Variants in KAZN observed in about 807,000 individuals in gnomAD.
KAZN encodes the protein kazrin.
In KAZN, 40 loss-of-function variants were observed where a neutral mutation model predicts 87.4. The observed-to-expected ratio is 0.46, with a 90% CI of 0.36 to 0.60. KAZN has a LOEUF of 0.60. Ranked by LOEUF, KAZN falls within the 20% of genes least tolerant of loss-of-function variation. The pLI, the probability that KAZN is intolerant of heterozygous loss-of-function variation, is 0.00. For missense variants in KAZN, 898 were observed against 1,073.9 expected (o/e 0.84, Z 2.29); for synonymous variants, 466 against 458.3 (o/e 1.02, Z -0.22).
intron 2 of KAZN, among the ~76,000 whole-genome samples, chr1:14,373,280 C>T (rs1477055407): frequency 1.3e-5 from 2 of 151,736 alleles, no homozygotes; most frequent in South Asian, 2.1e-4. Context: ...ACTGAGAAAT[C>T]CCACAATCTG....
At chr1:15,019,865 T>A (rs1364046481) in intron 2 of KAZN, among the ~76,000 whole-genome samples, 1 of 152,160 alleles carries the variant, frequency 6.6e-6, no homozygotes, top group Non-Finnish European at 1.5e-5. Flanking sequence ...ATCATTGCTG[T>A]TGTCATTATT....
In KAZN at chr1:14,033,487, G is replaced by A. The variant is rs749172707; in HGVS notation, c.91+139731G>A. 5.7e-4 allele frequency among the ~76,000 whole-genome samples: 87 copies of A among 152,320 alleles called. 1 individual carries two copies. Among genetic ancestry groups the A allele is most frequent in the Middle Eastern group, 3.4e-3 (1 of 294 alleles). On this transcript the variant is annotated intron_variant, in intron 1 of 16. Coordinates refer to the KAZN transcript ENST00000636203. ...CACTTATTGAATCTCAGACATTGCC[G>A]TCTCCTGGCTGCGCAAGTGCCAAGC...
upstream of KAZN, among the ~76,000 whole-genome samples, chr1:14,595,787 A>G (rs572468605): frequency 1.7e-4 from 26 of 152,108 alleles, no homozygotes; most frequent in South Asian, 4.6e-3. Context: ...CAGACTTTCT[A>G]TCTAAGATCT....
intron 2 of KAZN, among the ~76,000 whole-genome samples, chr1:14,290,550 C>T (rs1369293159): frequency 5.9e-5 from 9 of 152,190 alleles, no homozygotes; most frequent in African/African-American, 1.7e-4. Context: ...GTCTTCTCTA[C>T]ACTGTTTGTT....
chr1:15,091,099 C>A (rs1387272812), intron 8 of KAZN, among the ~76,000 whole-genome samples: 2 of 152,108 alleles, frequency 1.3e-5, no homozygotes, highest in Non-Finnish European at 2.9e-5. Flanking sequence ...TATGCACAGT[C>A]ACAAATACTC....
At chr1:14,944,397 T>G (rs1279596736) in intron 1 of KAZN, among the ~76,000 whole-genome samples, 1 of 152,160 alleles carries the variant, frequency 6.6e-6, no homozygotes, top group East Asian at 1.9e-4. Context: ...GACACAGCTG[T>G]GGGGGCCCCC....
At chr1:13,992,825 G>A (rs1311166527) in intron 1 of KAZN, among the ~76,000 whole-genome samples, 2 of 152,150 alleles carry the variant, frequency 1.3e-5, no homozygotes, top group Admixed American at 1.3e-4. Flanking sequence ...CATCTCCCCT[G>A]TGCTTTTTTA....
chr1:14,360,397 G>A (rs1442170694), intron 2 of KAZN, among the ~76,000 whole-genome samples: 4 of 152,068 alleles, frequency 2.6e-5, no homozygotes, highest in Non-Finnish European at 5.9e-5. Context: ...TGCTTCTTTA[G>A]CTTGGAGGAG....
At chr1:14,810,109 CATTA>C (rs916678531) in intron 1 of KAZN, among the ~76,000 whole-genome samples, 2 of 152,122 alleles carry the variant, frequency 1.3e-5, no homozygotes, top group African/African-American at 2.4e-5. Context: ...TGTCCCTAGA[CATTA>C]ATTATCAATG....
chr1:14,930,970 G>A (rs191551243), intron 1 of KAZN, among the ~76,000 whole-genome samples: 38 of 152,218 alleles, frequency 2.5e-4, no homozygotes, highest in Non-Finnish European at 2.5e-4. Flanking sequence ...AGACTCCCCC[G>A]CCACAACCAT....
At chr1:14,621,575 G>T (rs562215084) in intron 1 of KAZN, among the ~76,000 whole-genome samples, 31 of 152,280 alleles carry the variant, frequency 2.0e-4, no homozygotes, top group Admixed American at 7.8e-4. Context: ...GCAAGCATGG[G>T]TGATATGGTT....
chr1:14,883,325 A>AAAAGCG (rs1653566917), intron 1 of KAZN, among the ~76,000 whole-genome samples: 3 of 39,574 alleles, frequency 7.6e-5, no homozygotes, highest in African/African-American at 1.9e-4. Flanking sequence ...AGAAAGAGAG[A>AAAAGCG]GAGAGAGAGA....
At chr1:14,287,553 T>C (rs1483236489) in intron 2 of KAZN, among the ~76,000 whole-genome samples, 5 of 152,244 alleles carry the variant, frequency 3.3e-5, no homozygotes, top group Non-Finnish European at 7.3e-5. Flanking sequence ...TTTGCTGAAG[T>C]TGCTTATCAG....
intron 1 of KAZN, among the ~76,000 whole-genome samples, chr1:13,967,870 C>T (rs1642001126): frequency 6.6e-6 from 1 of 152,198 alleles, no homozygotes; most frequent in Non-Finnish European, 1.5e-5. Flanking sequence ...CCTGCAAGGG[C>T]TGGCATGGCA....
intron 1 of KAZN, among the ~76,000 whole-genome samples, chr1:13,983,558 C>T (rs954996855): frequency 9.2e-5 from 14 of 152,214 alleles, no homozygotes; most frequent in African/African-American, 3.4e-4. Context: ...CCACACCTCC[C>T]TGCAAGCTGA....
intron 1 of KAZN, among the ~76,000 whole-genome samples, chr1:14,653,087 A>G (rs1638556722): frequency 6.6e-6 from 1 of 152,152 alleles, no homozygotes; most frequent in Non-Finnish European, 1.5e-5. Context: ...AAACAGGGAG[A>G]TTGTGCTGAT....
intron 2 of KAZN, among the ~76,000 whole-genome samples, chr1:15,017,302 A>G (rs998912209): frequency 2.0e-5 from 3 of 152,198 alleles, no homozygotes; most frequent in Non-Finnish European, 2.9e-5. Context: ...AGTCTCAAAA[A>G]AAAAGACCTT....
intron 1 of KAZN, among the ~76,000 whole-genome samples, chr1:13,898,364 A>G (rs72871366): frequency 8.4e-4 from 128 of 152,308 alleles, no homozygotes; most frequent in African/African-American, 3.0e-3. Flanking sequence ...GGTGACCCCC[A>G]GCTTGCAGAC....
intron 2 of KAZN, among the ~76,000 whole-genome samples, chr1:14,587,820 A>G (rs1675951980): frequency 6.6e-6 from 1 of 152,118 alleles, no homozygotes; most frequent in African/African-American, 2.4e-5. Flanking sequence ...GGGACAAACA[A>G]CCACACTATA....
Sources: gnomAD v4.1 joint callset for allele counts (sites outside exome capture counted in the v4.1 genomes callset) on GRCh38, gnomAD v4.1.1 for gene constraint, MANE v1.5 for transcripts, NCBI Gene and HGNC (gene_info 2026-07-23, HGNC 2026-07-21) for gene names.